Variants in NFIC observed in about 807,000 individuals in gnomAD.
NFIC encodes the protein nuclear factor 1 C-type.
A neutral mutation model predicts 54.4 loss-of-function variants in NFIC; 12 were observed. The observed-to-expected ratio is 0.22, with a 90% confidence interval of 0.14 to 0.36. The LOEUF (loss-of-function observed/expected upper bound fraction) is 0.36, where lower values mean the gene tolerates loss of function less well. NFIC is among the 10% of genes least tolerant of loss of function. The probability of loss-of-function intolerance (pLI) is 1.00; values close to 1 mark genes in which losing one functional copy is unlikely to be tolerated. For missense variants in NFIC, 575 were observed against 718.2 expected (o/e 0.80, Z 2.28); for synonymous variants, 322 against 319.2 (o/e 1.01, Z -0.09).
At chr19:3,425,313 TC>T in intron 3 of NFIC, 136 bp downstream of exon 3, 1 of 1,018,960 alleles carries the variant, frequency 9.8e-7, no homozygotes, top group Non-Finnish European at 1.4e-6. Context: ...AAGGGGCCTG[TC>T]CAGGGGCTAC....
chr19:3,461,345 C>T (rs1418194335), intron 10 of NFIC, among the ~76,000 whole-genome samples: 1 of 151,912 alleles, frequency 6.6e-6, no homozygotes, highest in Non-Finnish European at 1.5e-5. Context: ...ATCACTTGAG[C>T]CCAGGAGATG....
rs61731129 is a variant in NFIC at position 3,381,995 on chromosome 19, T to C, written c.314T>C (p.Val105Ala). ...SITGKKAPGC[V>A]LSNPDQKGKM... is the part of the protein sequence containing the mutation. ...ACCGGCAAGAAGGCGCCGGGCTGCG[T>C]GCTCTCCAACCCCGACCAGAAGGGC... Residue 105 changes from valine (V) to alanine (A), a missense_variant, in exon 2 of 11, where the codon GTG (valine) becomes GCG (alanine). Val to Ala is a moderately conservative substitution (Grantham distance 64, BLOSUM62 0). Coordinates refer to ENST00000443272, the MANE Select transcript of NFIC (RefSeq NM_001245002.2). 1.9e-6 allele frequency: 3 copies of C among 1,613,486 alleles called. No homozygotes were observed. The highest frequency in any genetic ancestry group is 2.5e-6 in the Non-Finnish European group (3 of 1,179,918).
chr19:3,363,884 G>T (rs113424579), upstream of NFIC, among the ~76,000 whole-genome samples: 238 of 152,352 alleles, frequency 1.6e-3, no homozygotes, highest in African/African-American at 5.4e-3. Flanking sequence ...TCCAGCCCCA[G>T]TGTCCACAGT....
rs531597228 is a variant in NFIC, at chr19:3,369,983, C to A, written c.30+3317C>A. On this transcript the variant is annotated intron_variant, in intron 1 of 10. Transcript: ENST00000443272. This position sits in a 1 kb window ranked among gnomAD's most constrained non-coding sequence, Gnocchi z 4.3. ...GAGGCTGGGAGAGGCTGTCCTCCCA[C>A]CCCAGACCCCCGACCTTTGTTGGAT... Among the ~76,000 whole-genome samples the A allele has an allele frequency of 1.2e-4, 18 of 152,320 alleles. No homozygotes were observed. The South Asian group carries it at 2.7e-3, about 23-fold the overall frequency.
chr19:3,376,322 G>A (rs1322847770), intron 1 of NFIC, among the ~76,000 whole-genome samples: 3 of 147,898 alleles, frequency 2.0e-5, no homozygotes, highest in Non-Finnish European at 3.0e-5. Context: ...CCAGCTACTC[G>A]GGAGGCTGAG....
intron 1 of NFIC, among the ~76,000 whole-genome samples, chr19:3,372,012 T>TCTCTCC: frequency 8.1e-6 from 1 of 123,418 alleles, no homozygotes; most frequent in Non-Finnish European, 1.7e-5. Flanking sequence ...TCTCTCTCTC[T>TCTCTCC]CTCTCTCTCT....
intron 5 of NFIC, 28 bp downstream of exon 5, chr19:3,434,428 C>G (rs374871532): frequency 6.4e-7 from 1 of 1,570,382 alleles, no homozygotes; most frequent in Admixed American, 1.8e-5. Context: ...CACCTCTGGG[C>G]ATTTCATGAC....
At chr19:3,400,869 G>T (rs536402457) in intron 2 of NFIC, among the ~76,000 whole-genome samples, 9 of 152,204 alleles carry the variant, frequency 5.9e-5, no homozygotes, top group East Asian at 1.9e-4. Flanking sequence ...AAAATAAAAA[G>T]AAATAAATGT....
chr19:3,360,323 C>A lies in NFIC; in HGVS notation c.3+638C>A, dbSNP rs577734275. ...CCGCCTGCCCTCGCACCGCCCCCGCCCCGCCCCTCGGCAGACCCCCGGCCC... is the reference window on the plus strand; with the variant it reads ...CCGCCTGCCCTCGCACCGCCCCCGCACCGCCCCTCGGCAGACCCCCGGCCC... On this transcript the variant is annotated intron_variant, in intron 1 of 9. Coordinates refer to the NFIC transcript ENST00000395111. Among the ~76,000 whole-genome samples the A allele has an allele frequency of 2.6e-4, 38 of 148,724 alleles. No homozygotes were observed. In the East Asian group the frequency reaches 7.3e-3, roughly 29 times the overall value.
intron 6 of NFIC, among the ~76,000 whole-genome samples, chr19:3,442,388 T>TC (rs1405146503): frequency 6.7e-6 from 1 of 148,562 alleles, no homozygotes; most frequent in Non-Finnish European, 1.5e-5. Context: ...CCCTTTTTTT[T>TC]TTTTTTTTTT....
chr19:3,405,586 AT>A (rs2081635278), intron 2 of NFIC, among the ~76,000 whole-genome samples: 1 of 151,390 alleles, frequency 6.6e-6, no homozygotes, highest in African/African-American at 2.4e-5. Flanking sequence ...TTTTTATTTA[AT>A]TTAATTTATT....
chr19:3,456,696 G>T, intron 10 of NFIC, 61 bp downstream of exon 10: 1 of 1,351,190 alleles, frequency 7.4e-7, no homozygotes, highest in Non-Finnish European at 1.0e-6. Context: ...CCGGCCCGGG[G>T]GGCTCAGGGC....
At chr19:3,410,829 G>C (rs543133041) in intron 2 of NFIC, 73 of 152,398 alleles carry the variant, frequency 4.8e-4, no homozygotes, top group African/African-American at 1.7e-3. Flanking sequence ...GATGAGCGGA[G>C]AGCCGCTGGA....
intron 1 of NFIC, among the ~76,000 whole-genome samples, chr19:3,377,127 G>A (rs1165017980): frequency 6.6e-6 from 1 of 151,064 alleles, no homozygotes; most frequent in Non-Finnish European, 1.5e-5. Flanking sequence ...AGGACATTGA[G>A]ACCATCCTGG....
In NFIC at chr19:3,375,375, A is replaced by C. The variant is rs1599565806; in HGVS notation, c.31-6337A>C. Among the ~76,000 whole-genome samples, 1 of 148,222 alleles carries C rather than the reference A, an allele frequency of 6.7e-6. No homozygotes were observed. ...GCCGCGTCCCACTGTGCCCCCCACC[A>C]CCCCCACTGCCCGGCTTCCCTGGCC... On this transcript the variant is annotated intron_variant, in intron 1 of 10. Transcript: ENST00000443272. This position sits in a 1 kb window ranked among gnomAD's most constrained non-coding sequence, Gnocchi z 4.6.
chr19:3,384,332 G>A (rs2081259098), intron 2 of NFIC, among the ~76,000 whole-genome samples: 1 of 151,456 alleles, frequency 6.6e-6, no homozygotes, highest in Non-Finnish European at 1.5e-5. Context: ...CTCCCAAAGT[G>A]TTAGAAGTAC....
intron 2 of NFIC, among the ~76,000 whole-genome samples, chr19:3,421,257 C>T (rs1184439372): frequency 1.4e-4 from 21 of 147,404 alleles, no homozygotes. Flanking sequence ...CTGGGCACTG[C>T]GGCCTGCTGA....
At chr19:3,441,104 C>G (rs547309919) in intron 6 of NFIC, among the ~76,000 whole-genome samples, 1 of 152,308 alleles carries the variant, frequency 6.6e-6, no homozygotes, top group South Asian at 2.1e-4. Context: ...GCCACCACAC[C>G]CGGCTGGCCG....
intron 1 of NFIC, among the ~76,000 whole-genome samples, chr19:3,368,998 T>C (rs2080949456): frequency 6.6e-6 from 1 of 151,864 alleles, no homozygotes; most frequent in Admixed American, 6.6e-5. Flanking sequence ...TCTGTTTCAC[T>C]CCCAGTCACT....
Sources: gnomAD v4.1 joint callset for allele counts (sites outside exome capture counted in the v4.1 genomes callset) on GRCh38, gnomAD v4.1.1 for gene constraint, Gnocchi (gnomAD v3.1) non-coding constraint, MANE v1.5 for transcripts, NCBI Gene and HGNC (gene_info 2026-07-23, HGNC 2026-07-21) for gene names.